The following ANO2 variants were observed in gnomAD, a reference collection of about 807,000 sequenced individuals.
ANO2 encodes anoctamin-2.
ANO2 carries 101 observed loss-of-function variants against 124.2 expected under a neutral mutation model. That is an observed-to-expected ratio of 0.81 (90% CI 0.69 to 0.96). The LOEUF is 0.96. Ranked by LOEUF, ANO2 falls within the 40% of genes least tolerant of loss-of-function variation. ANO2 has a pLI of 0.00. For synonymous variants in ANO2, 486 were observed against 482.5 expected, an observed-to-expected ratio of 1.01 and a Z score of -0.09; for missense variants, 1,293 against 1,274.5, an observed-to-expected ratio of 1.01 and a Z score of -0.22.
chr12:5,867,121 A>C (rs752410054), intron 3 of ANO2, among the ~76,000 whole-genome samples: 3 of 152,108 alleles, frequency 2.0e-5, no homozygotes, highest in Non-Finnish European at 2.9e-5. Context: ...AGGAGCCATT[A>C]CTCCTTCATA....
chr12:5,784,269 A>G (rs556015331), intron 10 of ANO2, among the ~76,000 whole-genome samples: 1 of 152,306 alleles, frequency 6.6e-6, no homozygotes, highest in South Asian at 2.1e-4. Flanking sequence ...TGGATTCAGA[A>G]GCCCTTCTTG....
At chr12:5,742,791 T>C (rs569705166) in intron 12 of ANO2, among the ~76,000 whole-genome samples, 1 of 152,204 alleles carries the variant, frequency 6.6e-6, no homozygotes, top group East Asian at 1.9e-4. Context: ...CTTGGGGTAA[T>C]TCCACAATGC....
At chr12:5,777,611 C>T (rs762998737) in intron 10 of ANO2, among the ~76,000 whole-genome samples, 15 of 152,264 alleles carry the variant, frequency 9.9e-5, no homozygotes, top group Non-Finnish European at 2.1e-4. Flanking sequence ...TTTGATTCCA[C>T]CTCCCCACCC....
chr12:5,632,206 G>A (rs1306251796), intron 16 of ANO2, among the ~76,000 whole-genome samples: 1 of 152,084 alleles, frequency 6.6e-6, no homozygotes, highest in African/African-American at 2.4e-5. Context: ...GGAGTACCCA[G>A]TATAAGGTAG....
intron 1 of ANO2, among the ~76,000 whole-genome samples, chr12:5,937,209 C>G (rs1375529834): frequency 6.6e-6 from 1 of 152,184 alleles, no homozygotes; most frequent in East Asian, 1.9e-4. Context: ...TCTCCACATT[C>G]CTTCCAAAAG....
Position 5,854,114 on chromosome 12 carries a change from G to T in ANO2, c.562C>A (p.Arg188=). The T allele has an allele frequency of 6.2e-7, 1 of 1,613,040 alleles. No homozygotes were observed. Among genetic ancestry groups the T allele is most frequent in the Non-Finnish European group, 8.5e-7 (1 of 1,179,326 alleles). ...ENKSQGSIFV[R]IHAPWQVLAR... ...AGCACCTGCCACGGGGCGTGTATCC[G>T]GACAAAGATGGATCCCTGGCTTTTA... Residue 188 remains arginine, a synonymous_variant, in exon 4 of 25, where the codon CGG becomes AGG. Coordinates refer to ENST00000682330, the MANE Select transcript of ANO2 (RefSeq NM_001364791.2).
chr12:5,581,166 G>A (rs957893772), intron 20 of ANO2, among the ~76,000 whole-genome samples: 3 of 152,230 alleles, frequency 2.0e-5, no homozygotes, highest in Admixed American at 2.0e-4. Context: ...TCTAAAACCT[G>A]TAAAATGCAT....
intron 1 of ANO2, among the ~76,000 whole-genome samples, chr12:5,938,746 A>G (rs761327229): frequency 6.6e-6 from 1 of 151,868 alleles, no homozygotes; most frequent in Non-Finnish European, 1.5e-5. Context: ...AATTGCTTGA[A>G]CCCGGGAGGC....
At chr12:5,819,607 G>A (rs1352660583) in intron 7 of ANO2, among the ~76,000 whole-genome samples, 2 of 152,216 alleles carry the variant, frequency 1.3e-5, no homozygotes, top group Non-Finnish European at 2.9e-5. Context: ...AAAGGGTTAG[G>A]GAGATTGGGA....
At chr12:5,799,421 G>A in intron 10 of ANO2, 86 bp downstream of exon 10, 1 of 1,145,082 alleles carries the variant, frequency 8.7e-7, no homozygotes, top group Admixed American at 2.0e-5. Flanking sequence ...CTTGAGCAAA[G>A]GACTGTCAGA....
chr12:5,809,272 T>G (rs1336699227), intron 7 of ANO2, among the ~76,000 whole-genome samples: 2 of 152,118 alleles, frequency 1.3e-5, no homozygotes, highest in African/African-American at 4.8e-5. Flanking sequence ...CCTACCATAA[T>G]CAAAGGGAGG....
At chr12:5,934,607 C>T (rs1942571099) in intron 1 of ANO2, among the ~76,000 whole-genome samples, 1 of 152,164 alleles carries the variant, frequency 6.6e-6, no homozygotes, top group South Asian at 2.1e-4. Context: ...TGGAGTATGG[C>T]TGATGAGATT....
intron 16 of ANO2, among the ~76,000 whole-genome samples, chr12:5,625,528 A>T (rs1945354732): frequency 6.6e-6 from 1 of 151,996 alleles, no homozygotes; most frequent in African/African-American, 2.4e-5. Flanking sequence ...TTTGGAGGAA[A>T]AATTAAGTTC....
Position 5,636,678 on chromosome 12 carries a change from G to C in ANO2, c.1621-1331C>G, listed in dbSNP as rs1397047141. ...TGCACAGGGAGGGAGGCAGGAAGGAGGGGGTAAGAGGAGGGGAGGAGAGGC... is the reference window on the plus strand; with the variant it reads ...TGCACAGGGAGGGAGGCAGGAAGGACGGGGTAAGAGGAGGGGAGGAGAGGC... On this transcript the variant is annotated intron_variant, in intron 15 of 24. Coordinates refer to ENST00000682330, the MANE Select transcript of ANO2 (RefSeq NM_001364791.2). The surrounding 1 kb of genome is among the most constrained non-coding windows in gnomAD (Gnocchi z 4.6). Among the ~76,000 whole-genome samples the C allele has an allele frequency of 1.3e-5, 2 of 151,248 alleles. No individual in the cohort carries two copies. The highest frequency in any genetic ancestry group is 3.9e-4 in the East Asian group (2 of 5,126).
At chr12:5,906,347 TAAAAAAA>T (rs751453765) in intron 3 of ANO2, among the ~76,000 whole-genome samples, 3 of 132,724 alleles carry the variant, frequency 2.3e-5, no homozygotes, top group Non-Finnish European at 4.9e-5. Context: ...CACACATTGT[TAAAAAAA>T]AAAAAAAAAG....
rs770062677 is a variant in ANO2, at chr12:5,612,939, T to C, written c.1948A>G (p.Ser650Gly). The change falls in exon 18 of 25, where the codon AGC becomes GGC. Residue 650 changes from serine (S) to glycine (G), a missense_variant. Transcript: ENST00000682330. ...TAACCATCGAATACATAGACGTAGC[T>C]TCCAGGCCTGCCCACAAACCTGAAA... ...FKGRFVGRPGSYVYVFDGYRM... is the reference protein window; with the variant it reads ...FKGRFVGRPGGYVYVFDGYRM... 1.2e-6 allele frequency: 2 copies of C among 1,613,908 alleles called. No homozygotes were observed. The highest frequency in any genetic ancestry group is 1.7e-6 in the Non-Finnish European group (2 of 1,179,858).
intron 10 of ANO2, among the ~76,000 whole-genome samples, 195 bp from the exon 11 acceptor site, chr12:5,751,165 A>G (rs1951427737): frequency 6.6e-6 from 1 of 152,204 alleles, no homozygotes; most frequent in South Asian, 2.1e-4. Flanking sequence ...TTCTGGAATG[A>G]CGTGCATTCC....
chr12:5,842,979 A>G (rs1171085744), intron 4 of ANO2, among the ~76,000 whole-genome samples: 1 of 152,220 alleles, frequency 6.6e-6, no homozygotes, highest in Non-Finnish European at 1.5e-5. Context: ...AAAGCAATCA[A>G]AGAGCATGCA....
intron 4 of ANO2, among the ~76,000 whole-genome samples, chr12:5,848,310 C>T (rs773509548): frequency 6.6e-6 from 1 of 152,238 alleles, no homozygotes; most frequent in Non-Finnish European, 1.5e-5. Flanking sequence ...CATCCATCAC[C>T]CTTATTTTTA....
Sources: allele counts gnomAD v4.1 joint callset (sites outside exome capture counted in the v4.1 genomes callset), GRCh38; gene constraint gnomAD v4.1.1; non-coding constraint Gnocchi (gnomAD v3.1); transcripts MANE v1.5; gene names NCBI Gene and HGNC (gene_info 2026-07-23, HGNC 2026-07-21).